WIPF3: variants seen among roughly 807,000 people sequenced by gnomAD.
WIPF3 encodes WAS/WASL interacting protein family member 3.
A neutral mutation model predicts 38.9 loss-of-function variants in WIPF3; 33 were observed. That is an observed-to-expected ratio of 0.85 (90% CI 0.64 to 1.14). WIPF3 has a LOEUF of 1.14. Ranked by LOEUF, WIPF3 falls within the 50% of genes most tolerant of loss-of-function variation. The pLI is 0.00. For synonymous variants in WIPF3, 324 were observed against 269.3 expected (o/e 1.20, Z -1.99); for missense variants, 711 against 652.5 (o/e 1.09, Z -0.98).
At chr7:29,901,386 T>A (rs1313147019) in intron 7 of WIPF3, among the ~76,000 whole-genome samples, 2 of 25,372 alleles carry the variant, frequency 7.9e-5, no homozygotes, top group African/African-American at 2.0e-4. Context: ...AGCAGTGATT[T>A]TTTTTTTTTT....
In WIPF3 at chr7:29,914,487, C is replaced by A. The variant is rs1383599283; in HGVS notation, c.1429-6C>A. The A allele has an allele frequency of 4.0e-6, 6 of 1,518,188 alleles. No individual in the cohort carries two copies. The Admixed American group carries it at 1.3e-4, about 32-fold the overall frequency. 94.0% of individuals were successfully genotyped at this position (1,518,188 alleles called of 1,614,324 possible). ...CACCTGGTAATGTTCTGTTATGTTT[C>A]CACAGTTATCTCTAAAGACTCTTCG... On this transcript the variant is annotated splice_region_variant and splice_polypyrimidine_tract_variant and intron_variant, in intron 8 of 8. Transcript: ENST00000242140.
chr7:29,883,923 G>A lies in WIPF3; in HGVS notation c.429G>A (p.Pro143=), dbSNP rs770325764. ...TTCCCAACAAAACCATCAGCGGCCCGCTTATCCCGCCTGCCTCTCCCAGGC... is the reference window on the plus strand; with the variant it reads ...TTCCCAACAAAACCATCAGCGGCCCACTTATCCCGCCTGCCTCTCCCAGGC... ...PRLPNKTISG[P]LIPPASPRLG... Residue 143 remains proline (P), a synonymous_variant, in exon 5 of 9, where the codon CCG becomes CCA. Transcript: ENST00000242140. 5 of 1,565,114 alleles carry A rather than the reference G, an allele frequency of 3.2e-6. No individual in the cohort carries two copies. The highest frequency in any genetic ancestry group is 2.3e-5 in the South Asian group (2 of 85,286).
chr7:29,884,058 G>GC lies in WIPF3; in HGVS notation c.568dup (p.Leu190ProfsTer55), dbSNP rs1785786919. On this transcript the variant is annotated frameshift_variant, in exon 5 of 9. Coordinates refer to ENST00000242140, the MANE Select transcript of WIPF3 (RefSeq NM_001080529.3). LOFTEE classifies it high-confidence loss of function. Reference sequence around the variant, plus strand: ...CCCCTCCGCCTCCACCCTTACCCCCGCCCCTTCCCTCTTCCTCCCCCATCA... The same window carrying GC: ...CCCCTCCGCCTCCACCCTTACCCCCGCCCCCTTCCCTCTTCCTCCCCCATCA... The GC allele has an allele frequency of 1.3e-6, 1 of 774,568 alleles. No individual in the cohort carries two copies. The highest frequency in any genetic ancestry group is 1.5e-6 in the Non-Finnish European group (1 of 648,772). 48.0% of individuals were successfully genotyped at this position (774,568 alleles called of 1,614,324 possible).
At chr7:29,845,274 C>T (rs1223519717) in intron 2 of WIPF3, among the ~76,000 whole-genome samples, 2 of 152,232 alleles carry the variant, frequency 1.3e-5, no homozygotes, top group Non-Finnish European at 2.9e-5. Flanking sequence ...AGGATAGGGT[C>T]TCTGCTGCTA....
rs189866959 is a variant in WIPF3 at position 29,877,438 on chromosome 7, G to A, written c.223+1476G>A. On this transcript the variant is annotated intron_variant, in intron 3 of 8. Transcript: ENST00000242140. ...AAGCCTGCCTTTGTTTGTTGCTGCCGTTGTCTAACAGCTGATCCGGGTATT... is the reference window on the plus strand; with the variant it reads ...AAGCCTGCCTTTGTTTGTTGCTGCCATTGTCTAACAGCTGATCCGGGTATT... Among the ~76,000 whole-genome samples the A allele has an allele frequency of 5.9e-5, 9 of 152,312 alleles. No individual in the cohort carries two copies. The East Asian group carries it at 1.5e-3, about 26-fold the overall frequency.
intron 2 of WIPF3, among the ~76,000 whole-genome samples, chr7:29,852,404 A>G (rs565153761): frequency 6.6e-6 from 1 of 152,372 alleles, no homozygotes; most frequent in South Asian, 2.1e-4. Flanking sequence ...CTTCCTAAGG[A>G]GGATAGAAGG....
chr7:29,865,179 T>C (rs1235836149), intron 2 of WIPF3, among the ~76,000 whole-genome samples: 2 of 152,160 alleles, frequency 1.3e-5, no homozygotes, highest in Admixed American at 1.3e-4. Context: ...CACCAATAAA[T>C]GGTGGACCCA....
At chr7:29,868,199 A>G (rs912996988) in intron 2 of WIPF3, among the ~76,000 whole-genome samples, 5 of 152,200 alleles carry the variant, frequency 3.3e-5, no homozygotes, top group Admixed American at 2.6e-4. Context: ...AAGGTTTGGC[A>G]GATATGGCAG....
intron 1 of WIPF3, among the ~76,000 whole-genome samples, chr7:29,808,377 C>T (rs1784319794): frequency 1.3e-5 from 2 of 152,214 alleles, no homozygotes; most frequent in African/African-American, 4.8e-5. Context: ...CTGTGATTCG[C>T]AGCAATTCTT....
chr7:29,869,544 C>T (rs1785458288), intron 2 of WIPF3, among the ~76,000 whole-genome samples: 1 of 152,176 alleles, frequency 6.6e-6, no homozygotes, highest in African/African-American at 2.4e-5. Context: ...GTCTGATCCA[C>T]CATTTATATG....
At chr7:29,843,235 C>G (rs908593674) in intron 2 of WIPF3, among the ~76,000 whole-genome samples, 1 of 152,144 alleles carries the variant, frequency 6.6e-6, no homozygotes, top group Non-Finnish European at 1.5e-5. Context: ...GGACCTGCCA[C>G]TCATACTTCC....
chr7:29,877,837 G>A lies in WIPF3; in HGVS notation c.224-1172G>A, dbSNP rs150596465. Among the ~76,000 whole-genome samples, 211 of 152,154 alleles carry A rather than the reference G, an allele frequency of 1.4e-3. 1 individual carries two copies. Among genetic ancestry groups the A allele is most frequent in the Admixed American group, 9.3e-3 (142 of 15,280 alleles). On this transcript the variant is annotated intron_variant, in intron 3 of 8. Transcript: ENST00000242140. The stretch of plus-strand genomic sequence containing the variant: ...CTTGGGTCCCATTCCCCAAGATATC[G>A]CATTATGTATATGTAAATATTTCAA...
At chr7:29,810,388 C>T (rs1389112459) in intron 1 of WIPF3, among the ~76,000 whole-genome samples, 3 of 152,146 alleles carry the variant, frequency 2.0e-5, no homozygotes, top group Non-Finnish European at 4.4e-5. Context: ...AGCACCTGCC[C>T]CATGCCTGGC....
chr7:29,911,029 C>T (rs1583633180), intron 8 of WIPF3, among the ~76,000 whole-genome samples: 1 of 111,912 alleles, frequency 8.9e-6, no homozygotes, highest in Non-Finnish European at 2.1e-5. Context: ...CTAAAGATTC[C>T]ACCAAAAAAA....
At position 29,915,493 on chromosome 7, in the gene WIPF3, T is replaced by A. The variant is rs1376097123; in HGVS notation, c.*977T>A. 1 of 152,216 alleles carries A rather than the reference T, an allele frequency of 6.6e-6. No individual in the cohort carries two copies. The highest frequency in any genetic ancestry group is 1.5e-5 in the Non-Finnish European group (1 of 68,054). 9.4% of individuals were successfully genotyped at this position (152,216 alleles called of 1,614,324 possible). A position where few individuals can be genotyped will look rare whatever the true frequency, so the allele number is the denominator to read the frequency against. ...TGAAATACCTGCCACAAATACCTAGTGCCTCACTGCCCCCATCTTAGGATC... is the reference window on the plus strand; with the variant it reads ...TGAAATACCTGCCACAAATACCTAGAGCCTCACTGCCCCCATCTTAGGATC... On this transcript the variant is annotated 3_prime_UTR_variant, in exon 9 of 9. Coordinates refer to ENST00000242140, the MANE Select transcript of WIPF3 (RefSeq NM_001080529.3).
chr7:29,888,304 T>C, intron 6 of WIPF3, 87 bp downstream of exon 6: 3 of 1,486,654 alleles, frequency 2.0e-6, no homozygotes, highest in Non-Finnish European at 2.7e-6. Flanking sequence ...CTGGCCACAG[T>C]GCTGCCATCT....
At chr7:29,880,586 A>C (rs1044530557) in intron 4 of WIPF3, among the ~76,000 whole-genome samples, 1 of 152,206 alleles carries the variant, frequency 6.6e-6, no homozygotes. Flanking sequence ...TCTTCATAGA[A>C]GATGGGAGAA....
chr7:29,886,074 C>A (rs544810967), intron 5 of WIPF3, among the ~76,000 whole-genome samples: 3 of 151,956 alleles, frequency 2.0e-5, no homozygotes, highest in Non-Finnish European at 4.4e-5. Context: ...TAAGTTGATT[C>A]CATTTTTTGT....
intron 4 of WIPF3, among the ~76,000 whole-genome samples, chr7:29,882,647 T>G (rs1482040790): frequency 6.6e-6 from 1 of 152,046 alleles, no homozygotes; most frequent in East Asian, 1.9e-4. Flanking sequence ...CTGATTGGGG[T>G]AAACACACAG....
Sources: allele counts gnomAD v4.1 joint callset (sites outside exome capture counted in the v4.1 genomes callset), GRCh38; gene constraint gnomAD v4.1.1; transcripts MANE v1.5; gene names NCBI Gene and HGNC (gene_info 2026-07-23, HGNC 2026-07-21).